Variants in MTF1 observed in about 807,000 individuals in gnomAD.
MTF1 encodes the protein metal regulatory transcription factor 1.
MTF1 carries 22 observed loss-of-function variants against 70.4 expected under a neutral mutation model. That is an observed-to-expected ratio of 0.31 (90% confidence interval 0.22 to 0.45). The LOEUF (loss-of-function observed/expected upper bound fraction) is 0.45. Ranked by LOEUF, MTF1 falls within the 20% of genes least tolerant of loss-of-function variation. MTF1 has a pLI of 1.00. For synonymous variants in MTF1, 333 were observed against 352.8 expected (o/e 0.94, Z 0.63); for missense variants, 649 against 922.0 (o/e 0.70, Z 3.83).
rs115275954 is a variant in MTF1 at position 37,825,035 on chromosome 1, T to C, written c.1069-1223A>G. Among the ~76,000 whole-genome samples the C allele has an allele frequency of 5.6e-3, 853 of 152,188 alleles. 7 individuals carry two copies. Among genetic ancestry groups the C allele is most frequent in the African/African-American group, 0.019 (809 of 41,544 alleles). The stretch of plus-strand genomic sequence containing the variant: ...ATCCATGGTCAACCTCCAATCCACC[T>C]CTACCCCTACAGTTCGTAGGGCAAG... On this transcript the variant is annotated intron_variant, in intron 7 of 10. Transcript: ENST00000373036.
chr1:37,845,872 TA>T (rs1641324430), intron 2 of MTF1, among the ~76,000 whole-genome samples: 1 of 152,158 alleles, frequency 6.6e-6, no homozygotes, highest in Non-Finnish European at 1.5e-5. Flanking sequence ...GCTCCCCCCA[TA>T]AAATGCTGAA....
intron 1 of MTF1, among the ~76,000 whole-genome samples, chr1:37,858,265 T>C (rs1293869509): frequency 6.6e-6 from 1 of 152,178 alleles, no homozygotes; most frequent in Non-Finnish European, 1.5e-5. Context: ...CAGTTTATGG[T>C]AGAAGGAGCA....
chr1:37,837,581 C>T (rs2148412686), intron 4 of MTF1, among the ~76,000 whole-genome samples: 1 of 152,210 alleles, frequency 6.6e-6, no homozygotes, highest in East Asian at 1.9e-4. Flanking sequence ...TCTTGGCTCA[C>T]CACAACCTCC....
rs1378451937 is a variant in MTF1 at position 37,811,660 on chromosome 1, A to G, written c.*3476T>C. On this transcript the variant is annotated 3_prime_UTR_variant, in exon 11 of 11. Transcript: ENST00000373036. ...CAAAGTCTCTCAGGAAAACCCACCC[A>G]CCCTCCAATATCCCCATCAGTCCAC... is the stretch of plus-strand genomic sequence containing the variant. 2 of 151,756 alleles carry G rather than the reference A, an allele frequency of 1.3e-5. No individual in the cohort carries two copies. Among genetic ancestry groups the G allele is most frequent in the African/African-American group, 4.8e-5 (2 of 41,312 alleles). The allele number at this position is 151,756 out of a possible 1,614,324, so 9.4% of individuals were successfully genotyped here. A position where few individuals can be genotyped will look rare whatever the true frequency, so the allele number is the denominator to read the frequency against.
rs937961093 is a variant in MTF1, at chr1:37,839,809, G to A, written c.647+111C>T. The A allele has an allele frequency of 1.0e-4, 85 of 825,256 alleles. No individual in the cohort carries two copies. The South Asian group carries it at 1.1e-3, about 11-fold the overall frequency. The allele number at this position is 825,256 out of a possible 1,614,324, so 51.1% of individuals were successfully genotyped here. A position where few individuals can be genotyped will look rare whatever the true frequency, so the allele number is the denominator to read the frequency against. ...ATTTTACGTAGTTGAACACAGCTGC[G>A]CTCTTTTAAAGCCCTGAAAGTGAAA... On this transcript the variant is annotated intron_variant, in intron 3 of 10. Transcript: ENST00000373036.
rs1182919619 is a variant in MTF1, at chr1:37,857,680, G to A, written c.-22C>T. The A allele has an allele frequency of 1.2e-6, 2 of 1,606,918 alleles. No homozygotes were observed. The highest frequency in any genetic ancestry group is 1.7e-6 in the Non-Finnish European group (2 of 1,175,548). On this transcript the variant is annotated 5_prime_UTR_variant, in exon 2 of 11. Coordinates refer to ENST00000373036, the MANE Select transcript of MTF1 (RefSeq NM_005955.3). ...CCATGGTTCAGTTGTGCTCAGCCCA[G>A]TTGTGAGAAATGAAAACGTAATGAC...
Position 37,813,685 on chromosome 1 carries a change from C to T in MTF1, c.*1451G>A, listed in dbSNP as rs1183505320. 6.6e-6 allele frequency: 1 copy of T among 152,314 alleles called. No homozygotes were observed. The highest frequency in any genetic ancestry group is 2.4e-5 in the African/African-American group (1 of 41,484). The allele number at this position is 152,314 out of a possible 1,614,324, so 9.4% of individuals were successfully genotyped here. ...TGGGAGGCAGAGGCCTATTCTGCACCTCAGGCCATGCCTGGCCTCTGAGCT... is the reference window on the plus strand; with the variant it reads ...TGGGAGGCAGAGGCCTATTCTGCACTTCAGGCCATGCCTGGCCTCTGAGCT... On this transcript the variant is annotated 3_prime_UTR_variant, in exon 11 of 11. Transcript: ENST00000373036.
At position 37,822,267 on chromosome 1, in the gene MTF1, T is replaced by C. The variant is rs756633822; in HGVS notation, c.1621A>G (p.Asn541Asp). The C allele has an allele frequency of 2.0e-5, 32 of 1,614,048 alleles. No homozygotes were observed. The highest frequency in any genetic ancestry group is 2.5e-5 in the Non-Finnish European group (30 of 1,180,036). The change falls in exon 9 of 11, where the codon AAC (asparagine) becomes GAC (aspartate). Residue 541 changes from asparagine (N) to aspartate (D), a missense_variant. Asn to Asp is a conservative substitution (Grantham distance 23, BLOSUM62 1). Coordinates refer to ENST00000373036, the MANE Select transcript of MTF1 (RefSeq NM_005955.3). ...GTGGGATTATTAGTTAGGACAGAGT[T>C]GGCACCCAGGGGCAGAGTCTGGACC... The part of the protein sequence containing the change: ...AMVQTLPLGA[N>D]SVLTNNPTIT...
Position 37,810,179 on chromosome 1 carries a change from C to T in MTF1, c.*4957G>A, listed in dbSNP as rs1640690799. 6.6e-6 allele frequency: 1 copy of T among 152,382 alleles called. No homozygotes were observed. Among genetic ancestry groups the T allele is most frequent in the African/African-American group, 2.4e-5 (1 of 41,434 alleles). The allele number at this position is 152,382 out of a possible 1,614,324, so 9.4% of individuals were successfully genotyped here. A position where few individuals can be genotyped will look rare whatever the true frequency, so the allele number is the denominator to read the frequency against. On this transcript the variant is annotated 3_prime_UTR_variant, in exon 11 of 11. Coordinates refer to ENST00000373036, the MANE Select transcript of MTF1 (RefSeq NM_005955.3). ...CAGCAGGAAAAGGGCAAGAGAAAGC[C>T]TCTGACTTGGCACACTACGAGGATA...
Position 37,822,509 on chromosome 1 carries a change from T to C in MTF1, c.1379A>G (p.Asn460Ser). 1 of 1,613,860 alleles carries C rather than the reference T, an allele frequency of 6.2e-7. No individual in the cohort carries two copies. The highest frequency in any genetic ancestry group is 1.1e-5 in the South Asian group (1 of 91,062). Residue 460 changes from asparagine (N) to serine (S), a missense_variant, in exon 9 of 11, where the codon AAC (asparagine) becomes AGC (serine). Transcript: ENST00000373036. ...GPGSQQAAFG[N>S]PPALLQPPEV... is the part of the protein sequence containing the mutation. The stretch of plus-strand genomic sequence containing the variant: ...TGGAGGTTGTAAGAGAGCAGGGGGG[T>C]TGCCAAATGCAGCTTGCTGGGAGCC...
At position 37,809,658 on chromosome 1, in the gene MTF1, G is replaced by C. The variant is rs1005018346; in HGVS notation, c.*5478C>G. ...AAAGTTAAATTTTCACTTTTTAGCA[G>C]ATATTTTAAAGTACAATATTAAGTT... On this transcript the variant is annotated 3_prime_UTR_variant, in exon 11 of 11. Coordinates refer to ENST00000373036, the MANE Select transcript of MTF1 (RefSeq NM_005955.3). 1 of 153,308 alleles carries C rather than the reference G, an allele frequency of 6.5e-6. No homozygotes were observed. The highest frequency in any genetic ancestry group is 1.5e-5 in the Non-Finnish European group (1 of 68,512). The allele number at this position is 153,308 out of a possible 1,614,324, so 9.5% of individuals were successfully genotyped here. A position where few individuals can be genotyped will look rare whatever the true frequency, so the allele number is the denominator to read the frequency against.
At chr1:37,837,966 G>A (rs1009953905) in intron 4 of MTF1, among the ~76,000 whole-genome samples, 2 of 152,064 alleles carry the variant, frequency 1.3e-5, no homozygotes, top group Non-Finnish European at 2.9e-5. Flanking sequence ...TATATACTAT[G>A]AGCAGAGAAG....
At chr1:37,816,944 C>CA (rs1376034855) in intron 10 of MTF1, among the ~76,000 whole-genome samples, 1 of 152,226 alleles carries the variant, frequency 6.6e-6, no homozygotes, top group Non-Finnish European at 1.5e-5. Flanking sequence ...GGTTCCACCA[C>CA]AGATTCACTT....
Position 37,832,569 on chromosome 1 carries a change from C to T in MTF1, c.991-247G>A, listed in dbSNP as rs531826934. Among the ~76,000 whole-genome samples the T allele has an allele frequency of 2.0e-4, 30 of 152,244 alleles. 1 individual carries two copies. The highest frequency in any genetic ancestry group is 1.5e-3 in the Admixed American group (23 of 15,288). On this transcript the variant is annotated intron_variant, in intron 6 of 10. Transcript: ENST00000373036. ...ATTATGTATACATGTACTATGCTGG[C>T]GCGCTGCACCCATTAACTCATCATT...
intron 1 of MTF1, among the ~76,000 whole-genome samples, chr1:37,859,108 G>A (rs1226629068): frequency 1.3e-5 from 2 of 152,256 alleles, no homozygotes; most frequent in African/African-American, 2.4e-5. Flanking sequence ...TGAGCAGAGA[G>A]AGAAGAGCAC....
chr1:37,847,333 T>C (rs1040155087), intron 2 of MTF1, among the ~76,000 whole-genome samples: 2 of 152,202 alleles, frequency 1.3e-5, no homozygotes, highest in African/African-American at 4.8e-5. Flanking sequence ...TACCAGTTGC[T>C]AGTTGTGTGT....
intron 2 of MTF1, among the ~76,000 whole-genome samples, chr1:37,848,662 G>A (rs927832844): frequency 6.6e-6 from 1 of 152,196 alleles, no homozygotes; most frequent in Non-Finnish European, 1.5e-5. Flanking sequence ...CAGTGGACCT[G>A]AGTGATGGAA....
intron 3 of MTF1, among the ~76,000 whole-genome samples, chr1:37,839,525 C>T (rs1641224194): frequency 6.6e-6 from 1 of 152,174 alleles, no homozygotes; most frequent in African/African-American, 2.4e-5. Context: ...GGCCACTCCC[C>T]ATTTCTCAGG....
chr1:37,823,576 C>T, intron 8 of MTF1, 134 bp downstream of exon 8: 1 of 580,404 alleles, frequency 1.7e-6, no homozygotes, highest in South Asian at 2.3e-5. Context: ...TGGAATTAAA[C>T]TGAAAGACCC....
Sources: gnomAD v4.1 joint callset for allele counts (sites outside exome capture counted in the v4.1 genomes callset) on GRCh38, gnomAD v4.1.1 for gene constraint, MANE v1.5 for transcripts, NCBI Gene and HGNC (gene_info 2026-07-23, HGNC 2026-07-21) for gene names.